Variants in CLPB observed in about 807,000 individuals in gnomAD.
The protein encoded by CLPB is mitochondrial disaggregase.
A neutral mutation model predicts 78.4 loss-of-function variants in CLPB; 40 were observed. The observed-to-expected ratio is 0.51, with a 90% CI of 0.40 to 0.66. CLPB has a LOEUF of 0.66. Ranked by LOEUF, CLPB falls within the 30% of genes least tolerant of loss-of-function variation. The pLI is 0.00. For missense variants in CLPB, 780 were observed against 886.9 expected, an observed-to-expected ratio of 0.88 and a Z score of 1.53; for synonymous variants, 333 against 348.0, an observed-to-expected ratio of 0.96 and a Z score of 0.48.
chr11:72,294,794 CCATCTGTGTGGTCCTGGT>C, intron 12 of CLPB, 101 bp from the exon 13 acceptor site: 1 of 976,554 alleles, frequency 1.0e-6, no homozygotes, highest in South Asian at 1.3e-5. Context: ...CTGGTCCTGT[CCATCTGTGTGGTCCTGGT>C]CAAGGTCTAA....
Position 72,317,220 on chromosome 11 carries a change from A to G in CLPB, c.874T>C (p.Tyr292His). ...TCACGCTTCCGCTGCTTCTCTTGGT[A>G]CTGTGGGGAGAGAGGGCAAATGGTT... ...MKLLRTSEAK[Y>H]QEKQRKREAE... The change falls in exon 7 of 16, where the codon TAC becomes CAC. Residue 292 changes from tyrosine (Y) to histidine (H), a missense_variant and splice_region_variant. Physicochemically the swap from Tyr to His is moderately conservative, Grantham distance 83. Around this residue, in one of 3 missense-constraint regions of CLPB, gnomAD observed 417 missense variants for 414.7 expected, o/e 1.01. Coordinates refer to ENST00000538039, the MANE Select transcript of CLPB (RefSeq NM_001258392.3). 1.9e-6 allele frequency: 3 copies of G among 1,606,382 alleles called. No homozygotes were observed. Among genetic ancestry groups the G allele is most frequent in the Non-Finnish European group, 2.5e-6 (3 of 1,176,768 alleles).
intron 2 of CLPB, among the ~76,000 whole-genome samples, chr11:72,418,854 CAAAAAAAAAA>C (rs913728201): frequency 1.3e-5 from 1 of 75,258 alleles, no homozygotes; most frequent in Non-Finnish European, 2.8e-5. Flanking sequence ...ACTCCATCTC[CAAAAAAAAAA>C]AAAAAAAAGA....
chr11:72,347,540 TTCTTTGA>T (rs1428948939), intron 5 of CLPB, among the ~76,000 whole-genome samples: 1 of 152,222 alleles, frequency 6.6e-6, no homozygotes, highest in Non-Finnish European at 1.5e-5. Flanking sequence ...AACTGGACAA[TTCTTTGA>T]TTGGAGATGG....
At chr11:72,335,383 T>C (rs572499026) in intron 5 of CLPB, among the ~76,000 whole-genome samples, 1 of 152,264 alleles carries the variant, frequency 6.6e-6, no homozygotes, top group Admixed American at 6.5e-5. Context: ...TTCTACTACA[T>C]CTCAAACGGG....
intron 1 of CLPB, among the ~76,000 whole-genome samples, chr11:72,433,273 A>G (rs1410718708): frequency 2.0e-5 from 3 of 152,128 alleles, no homozygotes; most frequent in African/African-American, 7.2e-5. Flanking sequence ...ATAAATAAAG[A>G]AATTGGTCAG....
intron 5 of CLPB, among the ~76,000 whole-genome samples, chr11:72,341,880 A>G (rs570055473): frequency 6.6e-6 from 1 of 152,334 alleles, no homozygotes; most frequent in Non-Finnish European, 1.5e-5. Context: ...GGAAAGTGAC[A>G]TGGTTTTGTG....
chr11:72,429,578 G>C (rs1856484845), intron 2 of CLPB, among the ~76,000 whole-genome samples: 1 of 152,214 alleles, frequency 6.6e-6, no homozygotes, highest in South Asian at 2.1e-4. Context: ...GAGAGGCCAA[G>C]GTTAGGCCCA....
At chr11:72,364,654 G>A (rs886694897) in intron 4 of CLPB, among the ~76,000 whole-genome samples, 9 of 152,058 alleles carry the variant, frequency 5.9e-5, no homozygotes, top group Non-Finnish European at 1.3e-4. Flanking sequence ...ACCACTCACT[G>A]CACCCAGCCT....
intron 3 of CLPB, among the ~76,000 whole-genome samples, chr11:72,401,117 C>T (rs558952383): frequency 4.6e-5 from 7 of 152,282 alleles, no homozygotes; most frequent in Non-Finnish European, 8.8e-5. Context: ...CTCTCAACTA[C>T]GAAGCCTATT....
chr11:72,398,213 T>C (rs1029809464), intron 3 of CLPB, among the ~76,000 whole-genome samples: 2 of 152,220 alleles, frequency 1.3e-5, no homozygotes, highest in African/African-American at 4.8e-5. Flanking sequence ...CTGTGGCTGC[T>C]TGGACATCAA....
chr11:72,369,689 T>C (rs1590857469), intron 4 of CLPB, among the ~76,000 whole-genome samples: 1 of 152,230 alleles, frequency 6.6e-6, no homozygotes, highest in East Asian at 1.9e-4. Context: ...TCTCTACTAA[T>C]AAACCTCAAC....
chr11:72,424,935 G>A (rs1045419288), intron 2 of CLPB, among the ~76,000 whole-genome samples: 1 of 151,996 alleles, frequency 6.6e-6, no homozygotes, highest in Non-Finnish European at 1.5e-5. Flanking sequence ...ACTTAGCCAG[G>A]TGTGGTGGCA....
intron 4 of CLPB, among the ~76,000 whole-genome samples, chr11:72,376,496 T>C (rs887718365): frequency 2.7e-5 from 4 of 145,502 alleles, no homozygotes; most frequent in African/African-American, 7.7e-5. Flanking sequence ...TCCAAACTGA[T>C]ACACCCAGGA....
chr11:72,376,646 ATTATTAT>A (rs1854709721), intron 4 of CLPB, among the ~76,000 whole-genome samples: 1 of 98,118 alleles, frequency 1.0e-5, no homozygotes, highest in Non-Finnish European at 2.6e-5. Context: ...GGACGTTATT[ATTATTAT>A]TTTTTTTTAA....
chr11:72,347,219 G>A lies in CLPB; in HGVS notation c.775+11661C>T, dbSNP rs148888678. 1.5e-4 allele frequency among the ~76,000 whole-genome samples: 23 copies of A among 152,246 alleles called. No homozygotes were observed. In the East Asian group the frequency reaches 3.3e-3, roughly 22 times the overall value. On this transcript the variant is annotated intron_variant, in intron 5 of 15. Transcript: ENST00000538039. The stretch of plus-strand genomic sequence containing the variant: ...GCTAATTCTAGGGTAAAATTTTGAT[G>A]AGGAGCAGGATATTTTTGTGGTCTT...
intron 5 of CLPB, among the ~76,000 whole-genome samples, chr11:72,353,708 G>C (rs1950655443): frequency 6.6e-6 from 1 of 152,206 alleles, no homozygotes; most frequent in Non-Finnish European, 1.5e-5. Context: ...AAAGACTTCA[G>C]AAGGAAGGTG....
intron 2 of CLPB, among the ~76,000 whole-genome samples, chr11:72,423,329 G>A (rs7118089): frequency 0.1 from 15,333 of 148,808 alleles, 1,341 homozygotes; most frequent in African/African-American, 0.24. Flanking sequence ...AATGGCAAGA[G>A]CATCTACACA....
At chr11:72,358,801 TCCC>T in intron 5 of CLPB, 76 bp downstream of exon 5, 1 of 102,144 alleles carries the variant, frequency 9.8e-6, no homozygotes, top group Non-Finnish European at 1.9e-5. Context: ...CCAAGCCCCA[TCCC>T]ACCCCTCCTC....
intron 5 of CLPB, among the ~76,000 whole-genome samples, chr11:72,331,010 T>C (rs1026741015): frequency 3.9e-5 from 6 of 152,196 alleles, no homozygotes; most frequent in African/African-American, 1.4e-4. Context: ...TGAAAACATT[T>C]ATATCATGAT....
Sources: allele counts gnomAD v4.1 joint callset (sites outside exome capture counted in the v4.1 genomes callset), GRCh38; gene constraint gnomAD v4.1.1; regional missense constraint gnomAD v4.1.1; transcripts MANE v1.5; gene names NCBI Gene and HGNC (gene_info 2026-07-23, HGNC 2026-07-21).